Variants in SPIRE2 observed in about 807,000 individuals in gnomAD.
SPIRE2 encodes the protein spire type actin nucleation factor 2.
Under a neutral mutation model 80.7 loss-of-function variants are expected in SPIRE2, and 76 were observed. The ratio of observed to expected loss-of-function variants is 0.94; its 90% confidence interval spans 0.78 to 1.14. The LOEUF is 1.14. Among genes scored for constraint, SPIRE2 ranks in the 50% most tolerant of loss-of-function variants. The probability of loss-of-function intolerance (pLI) is 0.00; values close to 1 mark genes in which losing one functional copy is unlikely to be tolerated. For synonymous variants in SPIRE2, 535 were observed against 432.6 expected, an observed-to-expected ratio of 1.24 and a Z score of -2.94; for missense variants, 1,196 against 1,015.3, an observed-to-expected ratio of 1.18 and a Z score of -2.42.
Position 89,863,661 on chromosome 16 carries a change from G to C in SPIRE2, c.1710+51G>C. On this transcript the variant is annotated intron_variant, in intron 11 of 14. Coordinates refer to ENST00000378247, the MANE Select transcript of SPIRE2 (RefSeq NM_032451.2). This position sits in a 1 kb window ranked among gnomAD's most constrained non-coding sequence, Gnocchi z 4.3. ...CGCTCTTGCCCGCTGGGTCAGGGGC[G>C]GGTGCCGAGAGGGCCAGTTCCCAGG... The C allele has an allele frequency of 3.7e-6, 6 of 1,613,598 alleles. No homozygotes were observed. Among genetic ancestry groups the C allele is most frequent in the Non-Finnish European group, 5.1e-6 (6 of 1,179,758 alleles).
chr16:89,855,573 G>C (rs774323166), intron 5 of SPIRE2, 27 bp from the exon 6 acceptor site: 2 of 1,606,298 alleles, frequency 1.2e-6, no homozygotes, highest in African/African-American at 2.7e-5. Flanking sequence ...TCCCTGCAGG[G>C]CCTCAGATCA....
At chr16:89,860,044 T>C (rs2041729064) in intron 9 of SPIRE2, among the ~76,000 whole-genome samples, 4 of 152,116 alleles carry the variant, frequency 2.6e-5, no homozygotes, top group Non-Finnish European at 5.9e-5. Flanking sequence ...CCTGGAGCTG[T>C]GCCTCAGCCT....
At chr16:89,846,411 A>C (rs1479831923) in intron 2 of SPIRE2, 1 of 150,884 alleles carries the variant, frequency 6.6e-6, no homozygotes, top group African/African-American at 2.4e-5. Flanking sequence ...AACCTCGGCT[A>C]GTTGCAGCGC....
chr16:89,868,122 C>T lies in SPIRE2; in HGVS notation c.1779-67C>T, dbSNP rs370277082. 2,482 of 1,584,892 alleles carry T rather than the reference C, an allele frequency of 1.6e-3. 7 individuals carry two copies. The highest frequency in any genetic ancestry group is 1.9e-3 in the Admixed American group (116 of 59,936). On this transcript the variant is annotated intron_variant, in intron 12 of 14. Transcript: ENST00000378247. ...CCTCGGATGCGTGGAGGCCGGGATG[C>T]GACTGTTTCTCAGCTGTTTGTGGGC... is the stretch of plus-strand genomic sequence containing the variant.
rs1185522189 is a variant in SPIRE2, at chr16:89,869,045, A to ACATATATATATATATATATAT, written c.1807-522_1807-521insCATATATATATATATATATAT. On this transcript the variant is annotated intron_variant, in intron 13 of 14. Transcript: ENST00000378247. ...GATCTGTGTCTTAAAAAAAAAAAAA[A>ACATATATATATATATATATAT]AAAAAAAAATATATATATATATATA... is the stretch of plus-strand genomic sequence containing the variant. 4.8e-4 allele frequency among the ~76,000 whole-genome samples: 18 copies of ACATATATATATATATATATAT among 37,170 alleles called. 2 individuals carry two copies. The East Asian group carries it at 0.021, about 44-fold the overall frequency. 24.4% of individuals were successfully genotyped at this position (37,170 alleles called of 152,430 possible).
rs1283713963 is a variant in SPIRE2, at chr16:89,858,363, C to A, written c.1128C>A (p.Leu376=). The change falls in exon 8 of 15, where the codon CTC becomes CTA. Residue 376 remains leucine (L), a synonymous_variant. Coordinates refer to ENST00000378247, the MANE Select transcript of SPIRE2 (RefSeq NM_032451.2). ...ARGFGSLPCI[L]NACSGDAKST... ...GGTTTGGCTCTCTGCCCTGCATCCTCAACGCCTGCTCCGGAGATGCCAAGT... is the reference window on the plus strand; with the variant it reads ...GGTTTGGCTCTCTGCCCTGCATCCTAAACGCCTGCTCCGGAGATGCCAAGT... 6.2e-7 allele frequency: 1 copy of A among 1,609,542 alleles called. No individual in the cohort carries two copies. Among genetic ancestry groups the A allele is most frequent in the Admixed American group, 1.7e-5 (1 of 59,560 alleles).
At chr16:89,848,316 T>C (rs2041583722) in intron 2 of SPIRE2, among the ~76,000 whole-genome samples, 1 of 152,224 alleles carries the variant, frequency 6.6e-6, no homozygotes, top group Admixed American at 6.5e-5. Flanking sequence ...ACCTTGATTC[T>C]AGGATGTGTC....
At chr16:89,870,027 G>T (rs758763933) in intron 14 of SPIRE2, 23 bp from the exon 15 acceptor site, 71 of 1,602,578 alleles carry the variant, frequency 4.4e-5, no homozygotes, top group Non-Finnish European at 4.3e-6. Context: ...TCCTCTCCCT[G>T]AGTGCCCTCT....
rs202174774 is a variant in SPIRE2, at chr16:89,854,665, A to C, written c.891+14A>C. 3.3e-4 allele frequency: 512 copies of C among 1,570,588 alleles called. 2 individuals carry two copies. The African/African-American group carries it at 4.9e-3, about 15-fold the overall frequency. ...CGCAAGGTCATGGTGAGCGGGGCAG[A>C]CGCAGAGGGGCAGCCTGGATGCAGA... On this transcript the variant is annotated intron_variant, in intron 5 of 14. Transcript: ENST00000378247.
chr16:89,850,379 A>G lies in SPIRE2; in HGVS notation c.364A>G (p.Ser122Gly), dbSNP rs747624383. 1 of 1,599,454 alleles carries G rather than the reference A, an allele frequency of 6.3e-7. No homozygotes were observed. Among genetic ancestry groups the G allele is most frequent in the Non-Finnish European group, 8.5e-7 (1 of 1,174,612 alleles). Residue 122 changes from serine to glycine, a missense_variant, in exon 3 of 15, where the codon AGC becomes GGC. By Grantham distance (56) the Ser-to-Gly change is moderately conservative (BLOSUM62 0). Transcript: ENST00000378247. ...GGACGAGAGCGAGGAGCGCGAACTC[A>G]GCCCTCAGCTGGAGCGGCTCATCGA... ...GLDESEERELSPQLERLIDLM... is the reference protein window; with the variant it reads ...GLDESEERELGPQLERLIDLM...
rs2041403412 is a variant in SPIRE2 at position 89,833,104 on chromosome 16, G to A, written c.244+4310G>A. ...CTCCCCAGGTTCAAGTGATTCTCCTGCCTCAGCCTCCGGAGTAGCTGGGAT... is the reference window on the plus strand; with the variant it reads ...CTCCCCAGGTTCAAGTGATTCTCCTACCTCAGCCTCCGGAGTAGCTGGGAT... On this transcript the variant is annotated intron_variant, in intron 1 of 14. Coordinates refer to ENST00000378247, the MANE Select transcript of SPIRE2 (RefSeq NM_032451.2). 3.3e-5 allele frequency among the ~76,000 whole-genome samples: 5 copies of A among 151,928 alleles called. No homozygotes were observed. The South Asian group carries it at 1.0e-3, about 32-fold the overall frequency.
At chr16:89,865,934 C>T (rs1264098706) in intron 12 of SPIRE2, among the ~76,000 whole-genome samples, 1 of 139,532 alleles carries the variant, frequency 7.2e-6, no homozygotes, top group Non-Finnish European at 1.5e-5. Context: ...CGCCACTGCA[C>T]TCCAGACTGG....
chr16:89,869,426 G>C (rs1334463607), intron 13 of SPIRE2, 141 bp from the exon 14 acceptor site: 17 of 621,978 alleles, frequency 2.7e-5, no homozygotes, highest in Non-Finnish European at 4.6e-5. Flanking sequence ...AGACATCGGA[G>C]AGCACAGGGA....
In SPIRE2 at chr16:89,858,526, T is replaced by A; in HGVS notation, c.1272+19T>A. On this transcript the variant is annotated intron_variant, in intron 8 of 14. Transcript: ENST00000378247. ...ATCTGAGGTCAGAACCCATGGGGAT[T>A]CCTGAAAAGAGACCAGGAATGGGAG... 1 of 1,535,160 alleles carries A rather than the reference T, an allele frequency of 6.5e-7. No individual in the cohort carries two copies.
chr16:89,867,050 C>T (rs576632787), intron 12 of SPIRE2, among the ~76,000 whole-genome samples: 1 of 152,194 alleles, frequency 6.6e-6, no homozygotes, highest in South Asian at 2.1e-4. Context: ...GTGTCAGGTA[C>T]ACACCAATGT....
intron 12 of SPIRE2, among the ~76,000 whole-genome samples, chr16:89,865,068 A>G (rs2041777779): frequency 1.4e-5 from 2 of 140,398 alleles, no homozygotes; most frequent in Admixed American, 1.6e-4. Context: ...GTGCAGTGGC[A>G]CGATCTTGGC....
At position 89,870,185 on chromosome 16, in the gene SPIRE2, C is replaced by A. The variant is rs374817805; in HGVS notation, c.2058C>A (p.Ser686Arg). ...VADVVRSSRK[S>R]VDVLNTTPRR... The stretch of plus-strand genomic sequence containing the variant: ...ACGTGGTGCGTTCCAGCCGCAAGAG[C>A]GTGGACGTCCTCAACACTACGCCAC... The change falls in exon 15 of 15, where the codon AGC (serine) becomes AGA (arginine). Residue 686 changes from serine (S) to arginine (R), a missense_variant. Coordinates refer to ENST00000378247, the MANE Select transcript of SPIRE2 (RefSeq NM_032451.2). 35 of 1,610,108 alleles carry A rather than the reference C, an allele frequency of 2.2e-5. No homozygotes were observed. The highest frequency in any genetic ancestry group is 2.5e-5 in the Non-Finnish European group (30 of 1,178,416).
rs147273552 is a variant in SPIRE2, at chr16:89,857,427, T to C, written c.1103-911T>C. Among the ~76,000 whole-genome samples the C allele has an allele frequency of 6.8e-3, 1,037 of 152,006 alleles. 3 individuals are homozygous for C. The highest frequency in any genetic ancestry group is 0.01 in the Non-Finnish European group (683 of 67,922). On this transcript the variant is annotated intron_variant, in intron 7 of 14. Transcript: ENST00000378247. The stretch of plus-strand genomic sequence containing the variant: ...CTGGGATTATGGGTGTGAGCCACCA[T>C]TCCCTGCCTAACATGATCTTATACC...
intron 1 of SPIRE2, among the ~76,000 whole-genome samples, chr16:89,830,707 C>A (rs761813891): frequency 6.6e-6 from 1 of 151,078 alleles, no homozygotes; most frequent in African/African-American, 2.4e-5. Context: ...CACCCTCTCA[C>A]ACAAACTGAA....
Sources: gnomAD v4.1 joint callset for allele counts (sites outside exome capture counted in the v4.1 genomes callset) on GRCh38, gnomAD v4.1.1 for gene constraint, Gnocchi (gnomAD v3.1) non-coding constraint, MANE v1.5 for transcripts, NCBI Gene and HGNC (gene_info 2026-07-23, HGNC 2026-07-21) for gene names.